The following FRMD6 variants were observed in gnomAD, a reference collection of about 807,000 sequenced individuals.
The protein encoded by FRMD6 is FERM domain-containing protein 6.
FRMD6 carries 37 observed loss-of-function variants against 73.2 expected under a neutral mutation model. The observed-to-expected ratio is 0.51, with a 90% CI of 0.39 to 0.66. The LOEUF (loss-of-function observed/expected upper bound fraction) is 0.66, where lower values mean the gene tolerates loss of function less well. Among genes scored for constraint, FRMD6 ranks in the 30% least tolerant of loss-of-function variants. The probability of loss-of-function intolerance (pLI) is 0.00; values close to 1 mark genes in which losing one functional copy is unlikely to be tolerated. For synonymous variants in FRMD6, 273 were observed against 282.2 expected, an observed-to-expected ratio of 0.97 and a Z score of 0.33; for missense variants, 714 against 780.5, an observed-to-expected ratio of 0.91 and a Z score of 1.02.
At chr14:51,613,904 C>G (rs932294445) in intron 2 of FRMD6, among the ~76,000 whole-genome samples, 2 of 151,920 alleles carry the variant, frequency 1.3e-5, no homozygotes, top group Admixed American at 6.6e-5. Context: ...GATATTATTT[C>G]AATATTAATC....
At chr14:51,648,978 C>T (rs1358487960), upstream of FRMD6, among the ~76,000 whole-genome samples, 1 of 152,188 alleles carries the variant, frequency 6.6e-6, no homozygotes, top group Admixed American at 6.5e-5. Context: ...GAAAATAAAA[C>T]ATCCCAACAT....
At chr14:51,653,120 G>A (rs1379463427) in intron 1 of FRMD6, among the ~76,000 whole-genome samples, 1 of 152,170 alleles carries the variant, frequency 6.6e-6, no homozygotes, top group African/African-American at 2.4e-5. Context: ...TTCAGCAAGC[G>A]TTCTCAGGTT....
At chr14:51,559,921 A>G (rs2139500442) in intron 1 of FRMD6, among the ~76,000 whole-genome samples, 1 of 152,356 alleles carries the variant, frequency 6.6e-6, no homozygotes, top group South Asian at 2.1e-4. Context: ...TGGATGACTT[A>G]TAAAGCCATT....
At chr14:51,619,877 C>G (rs2010518) in intron 2 of FRMD6, among the ~76,000 whole-genome samples, 117,466 of 152,202 alleles carry the variant, frequency 0.77, 45,736 homozygotes, top group Middle Eastern at 0.8. Context: ...ATGAACTTGA[C>G]AATAACAGAC....
chr14:51,530,261 C>A (rs1332874285), intron 1 of FRMD6, among the ~76,000 whole-genome samples: 4 of 152,140 alleles, frequency 2.6e-5, no homozygotes, highest in African/African-American at 9.7e-5. Context: ...AGCTCTCTTC[C>A]CAGCTCCACT....
the FRMD6 span, among the ~76,000 whole-genome samples, chr14:51,445,660 G>A: frequency 6.6e-6 from 1 of 152,236 alleles, no homozygotes; most frequent in South Asian, 2.1e-4. Context: ...AATATCAAAT[G>A]TAATAGGGAA....
At chr14:51,410,908 G>A in the FRMD6 span, among the ~76,000 whole-genome samples, 1 of 152,132 alleles carries the variant, frequency 6.6e-6, no homozygotes, top group East Asian at 1.9e-4. Flanking sequence ...TTTGTTGGTG[G>A]TATACACTGT....
Position 51,599,063 on chromosome 14 carries a change from T to C in FRMD6, c.-147+28653T>C, listed in dbSNP as rs199767754. On this transcript the variant is annotated intron_variant, in intron 2 of 14. Coordinates refer to the FRMD6 transcript ENST00000356218. Reference sequence around the variant, plus strand: ...GCAGCCTTGCCAGTATCTGTCTTTTTTTTTTTTTTTTTTTTTTTTTTTAGT... The same window carrying C: ...GCAGCCTTGCCAGTATCTGTCTTTTCTTTTTTTTTTTTTTTTTTTTTTAGT... Among the ~76,000 whole-genome samples, 71 of 57,534 alleles carry C rather than the reference T, an allele frequency of 1.2e-3. 1 individual carries two copies. The highest frequency in any genetic ancestry group is 5.2e-3 in the East Asian group (8 of 1,528). 37.7% of individuals were successfully genotyped at this position (57,534 alleles called of 152,430 possible).
At chr14:51,534,143 TG>T (rs914174306) in intron 1 of FRMD6, among the ~76,000 whole-genome samples, 4 of 152,214 alleles carry the variant, frequency 2.6e-5, no homozygotes, top group African/African-American at 9.6e-5. Context: ...CCTGTCTGCC[TG>T]TAGGGACAGC....
chr14:51,655,179 GAA>G, intron 1 of FRMD6, among the ~76,000 whole-genome samples: 1 of 152,088 alleles, frequency 6.6e-6, no homozygotes, highest in Non-Finnish European at 1.5e-5. Context: ...CCCCAACGAG[GAA>G]AAACAAACAC....
chr14:51,425,629 A>G, the FRMD6 span, among the ~76,000 whole-genome samples: 30 of 151,968 alleles, frequency 2.0e-4, no homozygotes, highest in African/African-American at 7.3e-4. Context: ...TTCTTCCTAA[A>G]ATGTGTCCCC....
intron 2 of FRMD6, among the ~76,000 whole-genome samples, chr14:51,604,042 C>T (rs1271150657): frequency 6.6e-6 from 1 of 151,672 alleles, no homozygotes; most frequent in East Asian, 1.9e-4. Context: ...CAGATGCCAA[C>T]TATCCTGAGC....
intron 1 of FRMD6, among the ~76,000 whole-genome samples, chr14:51,665,876 C>T (rs185219949): frequency 2.0e-4 from 30 of 152,272 alleles, no homozygotes; most frequent in East Asian, 1.2e-3. Flanking sequence ...TCTCGTCTGC[C>T]GCCATATGAG....
At chr14:51,519,779 G>A (rs1343038437) in intron 1 of FRMD6, among the ~76,000 whole-genome samples, 1 of 152,172 alleles carries the variant, frequency 6.6e-6, no homozygotes, top group African/African-American at 2.4e-5. Context: ...ATGAGGCAGA[G>A]ACTCCTGGTA....
intron 2 of FRMD6, among the ~76,000 whole-genome samples, chr14:51,613,901 T>C (rs939094800): frequency 7.2e-5 from 11 of 152,122 alleles, no homozygotes; most frequent in Non-Finnish European, 1.5e-4. Flanking sequence ...ACAGATATTA[T>C]TTCAATATTA....
the FRMD6 span, among the ~76,000 whole-genome samples, chr14:51,442,630 C>T: frequency 1.3e-5 from 2 of 152,144 alleles, no homozygotes; most frequent in African/African-American, 2.4e-5. Flanking sequence ...TTATAAGCTC[C>T]TCAGGGCAGA....
chr14:51,572,066 T>C (rs956270802), intron 2 of FRMD6, among the ~76,000 whole-genome samples: 5 of 152,252 alleles, frequency 3.3e-5, no homozygotes, highest in African/African-American at 7.2e-5. Flanking sequence ...TCTAGTTCCT[T>C]GGCCACTGCT....
the FRMD6 span, among the ~76,000 whole-genome samples, chr14:51,441,363 A>G: frequency 2.0e-5 from 3 of 152,210 alleles, no homozygotes; most frequent in Non-Finnish European, 4.4e-5. Context: ...AGAAATCTAT[A>G]GAGGCTTGTG....
intron 1 of FRMD6, among the ~76,000 whole-genome samples, chr14:51,508,030 A>G (rs987403544): frequency 2.0e-5 from 3 of 151,994 alleles, no homozygotes; most frequent in African/African-American, 7.3e-5. Flanking sequence ...TCCCCCTGCT[A>G]CTGAGCGTGC....
Sources: allele counts gnomAD v4.1 joint callset (sites outside exome capture counted in the v4.1 genomes callset), GRCh38; gene constraint gnomAD v4.1.1; transcripts MANE v1.5; gene names NCBI Gene and HGNC (gene_info 2026-07-23, HGNC 2026-07-21).